Variants in PRH1 observed in about 807,000 individuals in gnomAD.
PRH1 encodes the protein proline rich protein HaeIII subfamily 1.
Under a neutral mutation model 7.9 loss-of-function variants are expected in PRH1, and 7 were observed. The observed-to-expected ratio is 0.89, with a 90% CI of 0.50 to 1.67. The LOEUF is 1.67. Among genes scored for constraint, PRH1 ranks in the 40% most tolerant of loss-of-function variants. The pLI is 0.00. For synonymous variants in PRH1, 45 were observed against 80.8 expected (o/e 0.56, Z 2.38); for missense variants, 109 against 223.6 (o/e 0.49, Z 3.27).
chr12:10,997,233 C>T, intron 1 of PRH1: 2 of 1,613,836 alleles, frequency 1.2e-6, no homozygotes, highest in Admixed American at 1.7e-5. Flanking sequence ...TCTTGAGATC[C>T]TTTGCCATGG....
At position 10,922,818 on chromosome 12, in the gene PRH1, A is replaced by AT. The variant is rs1338757664; in HGVS notation, c.-58-38544dup. ...CATGATTATTGCATCTTTTCCATGA[A>AT]TTTTTTCTTTTTCTTTTTTTTGAGA... On this transcript the variant is annotated intron_variant, in intron 2 of 3. Transcript: ENST00000539853. Among the ~76,000 whole-genome samples the AT allele has an allele frequency of 3.0e-4, 5 of 16,482 alleles. 1 individual carries two copies. Among genetic ancestry groups the AT allele is most frequent in the Non-Finnish European group, 6.7e-4 (4 of 5,992 alleles). 10.8% of individuals were successfully genotyped at this position (16,482 alleles called of 152,430 possible).
chr12:10,914,199 A>G (rs959623326), intron 2 of PRH1, among the ~76,000 whole-genome samples: 3 of 152,116 alleles, frequency 2.0e-5, no homozygotes, highest in Non-Finnish European at 2.9e-5. Context: ...GTAACTCTAG[A>G]AAAAAAATAT....
intron 1 of PRH1, among the ~76,000 whole-genome samples, chr12:11,068,282 C>G (rs4101633): frequency 0.21 from 31,900 of 151,486 alleles, 3,996 homozygotes; most frequent in Non-Finnish European, 0.27. Flanking sequence ...ACCAATGTAA[C>G]AAATTACAAT....
chr12:10,900,467 G>A (rs530716758), intron 2 of PRH1, among the ~76,000 whole-genome samples: 171 of 152,276 alleles, frequency 1.1e-3, no homozygotes, highest in Non-Finnish European at 2.2e-3. Flanking sequence ...CCAGATATTG[G>A]AGCACCTGCT....
chr12:10,997,041 G>T, intron 1 of PRH1: 1 of 1,614,026 alleles, frequency 6.2e-7, no homozygotes, highest in South Asian at 1.1e-5. Flanking sequence ...CCCCAAATCA[G>T]AATGAATGAG....
At chr12:10,967,732 G>T (rs1322097215) in intron 2 of PRH1, among the ~76,000 whole-genome samples, 1 of 152,142 alleles carries the variant, frequency 6.6e-6, no homozygotes, top group Non-Finnish European at 1.5e-5. Context: ...ATCTCAAAAT[G>T]CCATTCCAAT....
At chr12:11,020,393 T>C (rs565628995) in intron 1 of PRH1, among the ~76,000 whole-genome samples, 97 of 67,358 alleles carry the variant, frequency 1.4e-3, no homozygotes, top group Non-Finnish European at 3.2e-3. Context: ...TATATATATG[T>C]CTATAGATAT....
chr12:10,943,868 TTAGA>T (rs1391265914), intron 2 of PRH1, among the ~76,000 whole-genome samples: 3 of 152,212 alleles, frequency 2.0e-5, no homozygotes, highest in Non-Finnish European at 2.9e-5. Context: ...TTGTCAAAGA[TTAGA>T]TAGTCATAAA....
At chr12:11,114,665 T>G (rs1047595258) in intron 1 of PRH1, among the ~76,000 whole-genome samples, 4 of 151,928 alleles carry the variant, frequency 2.6e-5, no homozygotes, top group Non-Finnish European at 5.9e-5. Flanking sequence ...AAAAAAATAA[T>G]AGCCACAACA....
At chr12:11,171,342 G>A in intron 1 of PRH1, 1 of 1,230,984 alleles carries the variant, frequency 8.1e-7, no homozygotes, top group Non-Finnish European at 1.0e-6. Context: ...CTGGGCGGGC[G>A]GCGACACCTG....
intron 1 of PRH1, among the ~76,000 whole-genome samples, chr12:11,023,701 C>G (rs565498233): frequency 6.6e-6 from 1 of 152,270 alleles, no homozygotes; most frequent in South Asian, 2.1e-4. Context: ...CACACTGTTC[C>G]CAGAAGAAGA....
intron 2 of PRH1, chr12:10,908,790 C>T: frequency 6.2e-7 from 1 of 1,614,002 alleles, no homozygotes; most frequent in Non-Finnish European, 8.5e-7. Flanking sequence ...TTCAAAGTCA[C>T]TCATACTGAA....
At chr12:11,061,804 C>T in intron 1 of PRH1, 6 of 1,614,142 alleles carry the variant, frequency 3.7e-6, no homozygotes, top group Non-Finnish European at 5.1e-6. Context: ...TTTGATCTTC[C>T]AAGTCATGTT....
intron 1 of PRH1, chr12:11,133,200 C>G: frequency 7.4e-7 from 1 of 1,351,230 alleles, no homozygotes; most frequent in Non-Finnish European, 9.7e-7. Context: ...TCTAGGTATA[C>G]ATGTGGAAAT....
intron 2 of PRH1, chr12:10,931,272 A>G: frequency 8.3e-7 from 1 of 1,199,628 alleles, no homozygotes; most frequent in Non-Finnish European, 1.1e-6. Context: ...AGGCAATTCC[A>G]ATTTTGAGAA....
chr12:10,997,433 T>G lies in PRH1; in HGVS notation c.-125-23712A>C, dbSNP rs779435750. On this transcript the variant is annotated intron_variant, in intron 1 of 3. Coordinates refer to the PRH1 transcript ENST00000539853. Reference sequence around the variant, plus strand: ...TTCTGTCCACACATTTATATACGTGTGTTTCATCACAAGGTGACAAACCAA... The same window carrying G: ...TTCTGTCCACACATTTATATACGTGGGTTTCATCACAAGGTGACAAACCAA... 3 of 1,613,940 alleles carry G rather than the reference T, an allele frequency of 1.9e-6. No homozygotes were observed. In the East Asian group the frequency reaches 6.7e-5, roughly 36 times the overall value.
At chr12:10,901,555 C>T (rs763942860) in intron 2 of PRH1, among the ~76,000 whole-genome samples, 18 of 152,142 alleles carry the variant, frequency 1.2e-4, no homozygotes, top group Admixed American at 2.0e-4. Context: ...GGAGTTCACA[C>T]CACTGTGTAC....
At chr12:11,030,551 A>G in intron 1 of PRH1, 1 of 1,614,218 alleles carries the variant, frequency 6.2e-7, no homozygotes, top group East Asian at 2.2e-5. Flanking sequence ...TTTGCAGAAC[A>G]TGAAGACAGG....
At chr12:10,999,023 C>A (rs922024229) in intron 1 of PRH1, among the ~76,000 whole-genome samples, 1 of 152,072 alleles carries the variant, frequency 6.6e-6, no homozygotes, top group Non-Finnish European at 1.5e-5. Flanking sequence ...AGCCTTAAAT[C>A]GGCCAAACTC....
Sources: allele counts gnomAD v4.1 joint callset (sites outside exome capture counted in the v4.1 genomes callset), GRCh38; gene constraint gnomAD v4.1.1; transcripts MANE v1.5; gene names NCBI Gene and HGNC (gene_info 2026-07-23, HGNC 2026-07-21).